Variants in MYO9A observed in about 807,000 individuals in gnomAD.
The protein encoded by MYO9A is myosin IXA.
Under a neutral mutation model 293.3 loss-of-function variants are expected in MYO9A, and 103 were observed. The observed-to-expected ratio is 0.35, with a 90% CI of 0.30 to 0.41. MYO9A has a LOEUF of 0.41. Among genes scored for constraint, MYO9A ranks in the 10% least tolerant of loss-of-function variants. The pLI is 1.00. For missense variants in MYO9A, 2,685 were observed against 3,033.0 expected (o/e 0.89, Z 2.69); for synonymous variants, 1,001 against 1,035.7 (o/e 0.97, Z 0.64).
In MYO9A at chr15:71,824,161, A is replaced by C. The variant is rs1324696389; in HGVS notation, c.*2419T>G. 6.6e-6 allele frequency: 1 copy of C among 152,196 alleles called. No homozygotes were observed. Among genetic ancestry groups the C allele is most frequent in the Admixed American group, 6.5e-5 (1 of 15,270 alleles). 9.4% of individuals were successfully genotyped at this position (152,196 alleles called of 1,614,324 possible). A position where few individuals can be genotyped will look rare whatever the true frequency, so the allele number is the denominator to read the frequency against. Reference sequence around the variant, plus strand: ...CACCCACCCCAATCCTGGCAGATTAAATTACTAGAAATCCACAAATCTAGC... The same window carrying C: ...CACCCACCCCAATCCTGGCAGATTACATTACTAGAAATCCACAAATCTAGC... On this transcript the variant is annotated 3_prime_UTR_variant, in exon 42 of 42. Coordinates refer to ENST00000356056, the MANE Select transcript of MYO9A (RefSeq NM_006901.4).
In MYO9A at chr15:72,008,474, TGA is replaced by T. The variant is rs1491364438; in HGVS notation, c.1254-524_1254-523del. ...GTGTGTGTGTGTGTGTGTGTGTGTGTGAATGGGGTAAATGGGTGTGTGTGTGT... is the reference window on the plus strand; with the variant it reads ...GTGTGTGTGTGTGTGTGTGTGTGTGTATGGGGTAAATGGGTGTGTGTGTGT... On this transcript the variant is annotated intron_variant, in intron 7 of 41. Transcript: ENST00000356056. Among the ~76,000 whole-genome samples, 24 of 144,510 alleles carry T rather than the reference TGA, an allele frequency of 1.7e-4. 1 individual carries two copies. Among genetic ancestry groups the T allele is most frequent in the South Asian group, 1.3e-3 (6 of 4,628 alleles). The allele number at this position is 144,510 out of a possible 152,430, so 94.8% of individuals were successfully genotyped here.
intron 19 of MYO9A, among the ~76,000 whole-genome samples, chr15:71,906,041 T>C (rs1025426508): frequency 1.1e-4 from 17 of 152,228 alleles, no homozygotes; most frequent in Non-Finnish European, 2.4e-4. Flanking sequence ...TGCACAAATT[T>C]TGATATTTCA....
intron 22 of MYO9A, 88 bp from the exon 23 acceptor site, chr15:71,901,428 AGAG>A (rs2057480639): frequency 7.4e-7 from 1 of 1,359,132 alleles, no homozygotes. Context: ...ATAAGCTTTT[AGAG>A]AAGAACAAAC....
rs771619236 is a variant in MYO9A, at chr15:72,045,871, C to T, written c.693G>A (p.Lys231=). 1.9e-6 allele frequency: 3 copies of T among 1,613,948 alleles called. No individual in the cohort carries two copies. In the African/African-American group the frequency reaches 4.0e-5, roughly 22 times the overall value. Residue 231 remains lysine, a synonymous_variant, in exon 2 of 42, where the codon AAG becomes AAA. Transcript: ENST00000356056. ...CTCCTGAAATCACGATGCACTGATTCTTTTTGCGCTGAAGCATGGCATGAT... is the reference window on the plus strand; with the variant it reads ...CTCCTGAAATCACGATGCACTGATTTTTTTTGCGCTGAAGCATGGCATGAT... The part of the protein sequence containing the change: ...VAYHAMLQRK[K]NQCIVISGES...
chr15:71,887,712 CT>C (rs1425471184), intron 27 of MYO9A, among the ~76,000 whole-genome samples: 1 of 152,092 alleles, frequency 6.6e-6, no homozygotes, highest in East Asian at 1.9e-4. Context: ...ACTGTATGCA[CT>C]AACTTGCTTA....
intron 1 of MYO9A, among the ~76,000 whole-genome samples, chr15:72,080,692 C>G (rs1325676453): frequency 6.6e-6 from 1 of 151,992 alleles, no homozygotes; most frequent in East Asian, 1.9e-4. Flanking sequence ...GTCTGCCGTA[C>G]AGATTATTTC....
chr15:71,995,005 T>C (rs562025932), intron 9 of MYO9A, among the ~76,000 whole-genome samples: 1 of 152,344 alleles, frequency 6.6e-6, no homozygotes, highest in South Asian at 2.1e-4. Context: ...GTGCTGGGAT[T>C]ACAGGCGTGA....
In MYO9A at chr15:72,021,035, G is replaced by C. The variant is rs2077487184; in HGVS notation, c.999-18C>G. ...GATAGTTCCTGTGGGAAACAAAGAA[G>C]TACAAGTTTCATAATGTGTGACTTA... On this transcript the variant is annotated intron_variant, in intron 4 of 41. Transcript: ENST00000356056. The C allele has an allele frequency of 6.8e-7, 1 of 1,480,878 alleles. No individual in the cohort carries two copies. Among genetic ancestry groups the C allele is most frequent in the African/African-American group, 1.4e-5 (1 of 69,134 alleles). The allele number at this position is 1,480,878 out of a possible 1,614,324, so 91.7% of individuals were successfully genotyped here.
intron 10 of MYO9A, 115 bp from the exon 11 acceptor site, chr15:71,991,352 T>C (rs2076537423): frequency 2.7e-6 from 2 of 741,752 alleles, no homozygotes; most frequent in Non-Finnish European, 4.1e-6. Flanking sequence ...TACAGGGGAT[T>C]GTGTTTGGCC....
intron 4 of MYO9A, among the ~76,000 whole-genome samples, chr15:72,026,870 A>AT (rs1458014496): frequency 2.0e-5 from 3 of 152,212 alleles, no homozygotes; most frequent in Non-Finnish European, 2.9e-5. Flanking sequence ...TCCTAGAAAG[A>AT]TAAAAACTAC....
Position 72,059,189 on chromosome 15 carries a change from A to T in MYO9A, c.-71-12555T>A, listed in dbSNP as rs1411286173. Among the ~76,000 whole-genome samples, 24 of 152,330 alleles carry T rather than the reference A, an allele frequency of 1.6e-4. 1 individual carries two copies. The East Asian group carries it at 3.3e-3, about 21-fold the overall frequency. Reference sequence around the variant, plus strand: ...AATCAGTAGTACAGGTTGGAATCAAAGTTCCTCTTGGGGAAATGGCAAGTC... The same window carrying T: ...AATCAGTAGTACAGGTTGGAATCAATGTTCCTCTTGGGGAAATGGCAAGTC... On this transcript the variant is annotated intron_variant, in intron 1 of 41. Coordinates refer to ENST00000356056, the MANE Select transcript of MYO9A (RefSeq NM_006901.4).
At chr15:72,095,951 G>A (rs2080048435) in intron 1 of MYO9A, among the ~76,000 whole-genome samples, 2 of 152,014 alleles carry the variant, frequency 1.3e-5, no homozygotes, top group South Asian at 4.2e-4. Context: ...TAGATCACCT[G>A]AGGTCAAGAG....
intron 15 of MYO9A, among the ~76,000 whole-genome samples, chr15:71,943,918 AC>A (rs1421674578): frequency 1.3e-5 from 2 of 152,150 alleles, no homozygotes; most frequent in Non-Finnish European, 2.9e-5. Flanking sequence ...TGGGAAAAAT[AC>A]GCTTATCTTT....
At chr15:72,091,709 CT>C (rs2079915927) in intron 1 of MYO9A, among the ~76,000 whole-genome samples, 1 of 71,636 alleles carries the variant, frequency 1.4e-5, no homozygotes, top group African/African-American at 4.1e-5. Context: ...AATATATATT[CT>C]TTTTTTCTTT....
At position 72,038,592 on chromosome 15, in the gene MYO9A, CAACT is replaced by C. The variant is rs553092416; in HGVS notation, c.841-6008_841-6005del. On this transcript the variant is annotated intron_variant, in intron 2 of 41. Coordinates refer to ENST00000356056, the MANE Select transcript of MYO9A (RefSeq NM_006901.4). ...CACACACAAAAAGACACCAATTTAA[CAACT>C]AACTACACACACACAAAAAGCACCT... 2.3e-4 allele frequency among the ~76,000 whole-genome samples: 35 copies of C among 152,268 alleles called. No individual in the cohort carries two copies. The East Asian group carries it at 3.7e-3, about 16-fold the overall frequency.
intron 1 of MYO9A, among the ~76,000 whole-genome samples, chr15:72,112,917 A>G (rs990622919): frequency 1.4e-4 from 22 of 152,308 alleles, no homozygotes; most frequent in African/African-American, 4.3e-4. Context: ...TACTTTTTGT[A>G]TATTTTATAA....
chr15:71,990,387 CA>C (rs1317434323), intron 11 of MYO9A, among the ~76,000 whole-genome samples: 2 of 152,004 alleles, frequency 1.3e-5, no homozygotes, highest in African/African-American at 4.8e-5. Context: ...GCCCAGCCAG[CA>C]AATCTATTTA....
chr15:72,005,449 A>T (rs1450280487), intron 8 of MYO9A, among the ~76,000 whole-genome samples: 1 of 152,208 alleles, frequency 6.6e-6, no homozygotes, highest in Non-Finnish European at 1.5e-5. Context: ...ACCATTAGCC[A>T]CAATGCCCTG....
At position 71,978,591 on chromosome 15, in the gene MYO9A, C is replaced by T. The variant is rs763050601; in HGVS notation, c.1723-299G>A. Reference sequence around the variant, plus strand: ...ACCTGATGACTCCACTAAGTAAAAACGTACAATGAAGAAAAAAGGCTAATA... The same window carrying T: ...ACCTGATGACTCCACTAAGTAAAAATGTACAATGAAGAAAAAAGGCTAATA... On this transcript the variant is annotated intron_variant, in intron 11 of 41. Transcript: ENST00000356056. Among the ~76,000 whole-genome samples the T allele has an allele frequency of 4.6e-5, 7 of 152,064 alleles. No individual in the cohort carries two copies. The highest frequency in any genetic ancestry group is 2.1e-4 in the South Asian group (1 of 4,818).
Sources: allele counts gnomAD v4.1 joint callset (sites outside exome capture counted in the v4.1 genomes callset), GRCh38; gene constraint gnomAD v4.1.1; transcripts MANE v1.5; gene names NCBI Gene and HGNC (gene_info 2026-07-23, HGNC 2026-07-21).